The following CTNND2 variants were observed in gnomAD, a reference collection of about 807,000 sequenced individuals.
CTNND2 encodes catenin delta 2.
CTNND2 carries 22 observed loss-of-function variants against 144.4 expected under a neutral mutation model. The ratio of observed to expected loss-of-function variants is 0.15; its 90% CI spans 0.11 to 0.22. The LOEUF (loss-of-function observed/expected upper bound fraction) is 0.22. Ranked by LOEUF, CTNND2 falls within the 10% of genes least tolerant of loss-of-function variation. CTNND2 has a pLI of 1.00. For missense variants in CTNND2, 1,353 were observed against 1,618.8 expected (o/e 0.84, Z 2.82); for synonymous variants, 751 against 695.6 (o/e 1.08, Z -1.25).
chr5:11,119,418 C>G (rs1437034194), intron 12 of CTNND2, among the ~76,000 whole-genome samples: 1 of 152,116 alleles, frequency 6.6e-6, no homozygotes, highest in East Asian at 1.9e-4. Flanking sequence ...GATAATATAA[C>G]TAGGCAAATA....
intron 2 of CTNND2, among the ~76,000 whole-genome samples, chr5:11,613,604 T>C (rs1279665320): frequency 1.3e-5 from 2 of 152,216 alleles, no homozygotes; most frequent in African/African-American, 4.8e-5. Flanking sequence ...CAGCAATATA[T>C]TGCTTCAGGG....
intron 11 of CTNND2, among the ~76,000 whole-genome samples, chr5:11,196,888 G>A (rs745519423): frequency 1.3e-5 from 2 of 152,200 alleles, no homozygotes; most frequent in Non-Finnish European, 2.9e-5. Context: ...TTTCTCTGAG[G>A]TGAATTCCTT....
intron 2 of CTNND2, among the ~76,000 whole-genome samples, chr5:11,662,596 C>T (rs1783333031): frequency 6.6e-6 from 1 of 152,112 alleles, no homozygotes; most frequent in African/African-American, 2.4e-5. Context: ...AGCCCACTGA[C>T]TCAAATGTTA....
chr5:11,861,825 T>C (rs887013286), intron 1 of CTNND2, among the ~76,000 whole-genome samples: 26 of 152,210 alleles, frequency 1.7e-4, no homozygotes, highest in Admixed American at 1.4e-3. Flanking sequence ...CCAGCCATGA[T>C]TGGACTCCTT....
chr5:11,113,038 G>A (rs367601225), intron 13 of CTNND2, among the ~76,000 whole-genome samples: 2 of 152,286 alleles, frequency 1.3e-5, no homozygotes, highest in African/African-American at 4.8e-5. Flanking sequence ...CTACTCAGGA[G>A]GCTAAGGCAG....
chr5:11,435,546 C>G (rs116723744), intron 3 of CTNND2, among the ~76,000 whole-genome samples: 3,920 of 152,250 alleles, frequency 0.026, 141 homozygotes, highest in African/African-American at 0.077. Context: ...AAAGCAGCCA[C>G]AGAAACAACC....
chr5:11,026,366 T>TC (rs1378170162), intron 16 of CTNND2, among the ~76,000 whole-genome samples: 1 of 149,128 alleles, frequency 6.7e-6, no homozygotes, highest in African/African-American at 2.5e-5. Flanking sequence ...CTTTTTTTTT[T>TC]TTTTTTTTTT....
intron 2 of CTNND2, among the ~76,000 whole-genome samples, chr5:11,568,305 T>C (rs573760537): frequency 6.6e-6 from 1 of 152,328 alleles, no homozygotes; most frequent in Admixed American, 6.5e-5. Context: ...CTCTCAGCAC[T>C]GTCTTAACTA....
chr5:11,040,383 G>C (rs1744578021), intron 16 of CTNND2, among the ~76,000 whole-genome samples: 1 of 152,188 alleles, frequency 6.6e-6, no homozygotes, highest in Admixed American at 6.5e-5. Flanking sequence ...AAATAACATT[G>C]AATGAGGCAG....
intron 3 of CTNND2, among the ~76,000 whole-genome samples, chr5:11,492,505 ATGTG>A (rs33995105): frequency 0.14 from 19,493 of 140,188 alleles, 1,372 homozygotes; most frequent in Middle Eastern, 0.23. Flanking sequence ...ATATATATAT[ATGTG>A]TGTGTGTGTG....
intron 18 of CTNND2, among the ~76,000 whole-genome samples, chr5:11,015,954 T>C (rs532883741): frequency 2.0e-5 from 3 of 152,290 alleles, no homozygotes; most frequent in Non-Finnish European, 2.9e-5. Flanking sequence ...AGCCAAAACA[T>C]TGTAGATAAA....
intron 3 of CTNND2, among the ~76,000 whole-genome samples, chr5:11,563,369 T>C (rs1314689855): frequency 1.3e-5 from 2 of 152,234 alleles, no homozygotes; most frequent in Non-Finnish European, 2.9e-5. Context: ...GCTTTTCAAG[T>C]GTTCAGCTTT....
At chr5:11,187,872 T>C (rs59442633) in intron 11 of CTNND2, among the ~76,000 whole-genome samples, 10,203 of 152,190 alleles carry the variant, frequency 0.067, 468 homozygotes, top group South Asian at 0.14. Context: ...CACTGATCAC[T>C]AGAGAAATGC....
intron 3 of CTNND2, among the ~76,000 whole-genome samples, chr5:11,419,201 T>A (rs1478970773): frequency 6.6e-6 from 1 of 151,984 alleles, no homozygotes; most frequent in Non-Finnish European, 1.5e-5. Context: ...CTCTTTTATC[T>A]CCAATGTTTT....
intron 2 of CTNND2, among the ~76,000 whole-genome samples, chr5:11,618,926 A>G (rs1780704472): frequency 6.6e-6 from 1 of 152,230 alleles, no homozygotes; most frequent in Non-Finnish European, 1.5e-5. Flanking sequence ...TAGAAACCAT[A>G]TTCTGTTTAC....
At chr5:11,467,734 G>A (rs1347741504) in intron 3 of CTNND2, among the ~76,000 whole-genome samples, 2 of 152,178 alleles carry the variant, frequency 1.3e-5, no homozygotes, top group East Asian at 3.9e-4. Flanking sequence ...TATTCCCAGT[G>A]ATAAGGGTGG....
chr5:10,995,303 C>A (rs748018878), intron 18 of CTNND2, among the ~76,000 whole-genome samples: 1 of 152,038 alleles, frequency 6.6e-6, no homozygotes, highest in East Asian at 1.9e-4. Flanking sequence ...AAGAAGGAAC[C>A]CAGTGAACTA....
In CTNND2 at chr5:11,838,596, C is replaced by T. The variant is rs187706685; in HGVS notation, c.37+65221G>A. Reference sequence around the variant, plus strand: ...AAGTAGCTGACTACTTAAAGTTCTACATTTTAGAATGAAGGTCAGGCCCTG... The same window carrying T: ...AAGTAGCTGACTACTTAAAGTTCTATATTTTAGAATGAAGGTCAGGCCCTG... On this transcript the variant is annotated intron_variant, in intron 1 of 21. Coordinates refer to ENST00000304623, the MANE Select transcript of CTNND2 (RefSeq NM_001332.4). Among the ~76,000 whole-genome samples, 490 of 152,286 alleles carry T rather than the reference C, an allele frequency of 3.2e-3. 4 individuals carry two copies. The highest frequency in any genetic ancestry group is 2.6e-3 in the Non-Finnish European group (179 of 68,028).
rs569174489 is a variant in CTNND2 at position 11,322,741 on chromosome 5, A to C, written c.1628+23631T>G. On this transcript the variant is annotated intron_variant, in intron 9 of 21. Coordinates refer to ENST00000304623, the MANE Select transcript of CTNND2 (RefSeq NM_001332.4). ...AAATATATTTGTCAAAGTCAAAATA[A>C]ATTTTTACAAAAGTATGGGCATTCT... Among the ~76,000 whole-genome samples the C allele has an allele frequency of 3.3e-5, 5 of 152,336 alleles. No individual in the cohort carries two copies. The South Asian group carries it at 8.3e-4, about 25-fold the overall frequency.
Sources: gnomAD v4.1 joint callset for allele counts (sites outside exome capture counted in the v4.1 genomes callset) on GRCh38, gnomAD v4.1.1 for gene constraint, MANE v1.5 for transcripts, NCBI Gene and HGNC (gene_info 2026-07-23, HGNC 2026-07-21) for gene names.